The following TRPA1 variants were observed in gnomAD, a reference collection of about 807,000 sequenced individuals.
TRPA1 encodes ankyrin-like with transmembrane domains 1.
Under a neutral mutation model 131.3 loss-of-function variants are expected in TRPA1, and 129 were observed. The ratio of observed to expected loss-of-function variants is 0.98; its 90% CI spans 0.85 to 1.14. The LOEUF (loss-of-function observed/expected upper bound fraction) is 1.14. Among genes scored for constraint, TRPA1 ranks in the 50% most tolerant of loss-of-function variants. The pLI is 0.00. For missense variants in TRPA1, 1,304 were observed against 1,354.2 expected, an observed-to-expected ratio of 0.96 and a Z score of 0.58; for synonymous variants, 441 against 451.7, an observed-to-expected ratio of 0.98 and a Z score of 0.30.
intron 14 of TRPA1, among the ~76,000 whole-genome samples, chr8:72,051,546 A>G (rs1257535078): frequency 6.6e-6 from 1 of 152,138 alleles, no homozygotes; most frequent in Non-Finnish European, 1.5e-5. Flanking sequence ...CTACATTATC[A>G]AAAGAAAAGT....
At chr8:72,072,671 G>C (rs749482304) in intron 1 of TRPA1, among the ~76,000 whole-genome samples, 2 of 152,256 alleles carry the variant, frequency 1.3e-5, no homozygotes, top group Middle Eastern at 3.4e-3. Flanking sequence ...TCCTATCAAA[G>C]AAAGTGTTGG....
At chr8:72,082,588 G>C in the TRPA1 span, among the ~76,000 whole-genome samples, 1 of 151,962 alleles carries the variant, frequency 6.6e-6, no homozygotes, top group African/African-American at 2.4e-5. Context: ...GCTGGATATA[G>C]AAGTTTTGTT....
Position 72,059,378 on chromosome 8 carries a change from A to C in TRPA1, c.993+12T>G. ...ATAGTAATAAAAATAAACCAGTAAA[A>C]GGAATAGTTACCACTGAAATTAAAT... On this transcript the variant is annotated intron_variant, in intron 8 of 26. Coordinates refer to ENST00000262209, the MANE Select transcript of TRPA1 (RefSeq NM_007332.3). The C allele has an allele frequency of 6.6e-7, 1 of 1,520,904 alleles. No individual in the cohort carries two copies. Among genetic ancestry groups the C allele is most frequent in the Non-Finnish European group, 9.0e-7 (1 of 1,105,174 alleles). 94.2% of individuals were successfully genotyped at this position (1,520,904 alleles called of 1,614,324 possible).
intron 12 of TRPA1, 82 bp from the exon 13 acceptor site, chr8:72,053,949 T>A (rs1805595579): frequency 8.7e-6 from 8 of 923,506 alleles, no homozygotes; most frequent in Non-Finnish European, 1.2e-5. Context: ...TTATTCTAGG[T>A]AAATCTGATG....
intron 24 of TRPA1, 52 bp downstream of exon 24, chr8:72,029,849 G>A (rs1811744271): frequency 3.2e-6 from 5 of 1,553,332 alleles, no homozygotes; most frequent in Non-Finnish European, 4.4e-6. Flanking sequence ...TTAACTTATT[G>A]TGGGTTTACC....
At chr8:72,083,056 C>G in the TRPA1 span, among the ~76,000 whole-genome samples, 6 of 151,904 alleles carry the variant, frequency 3.9e-5, 1 homozygote, top group South Asian at 4.2e-4. Flanking sequence ...TTCATTGTTT[C>G]CAAATCTGCT....
chr8:72,089,855 A>G, the TRPA1 span, among the ~76,000 whole-genome samples: 1 of 152,144 alleles, frequency 6.6e-6, no homozygotes, highest in Non-Finnish European at 1.5e-5. Context: ...TACTTATTTT[A>G]TATATCAGAA....
At chr8:72,085,302 A>C in the TRPA1 span, among the ~76,000 whole-genome samples, 1 of 152,160 alleles carries the variant, frequency 6.6e-6, no homozygotes, top group Admixed American at 6.5e-5. Context: ...TTGTTCTTCA[A>C]GTCTTCTACC....
intron 4 of TRPA1, 145 bp downstream of exon 4, chr8:72,065,306 C>A (rs1321913842): frequency 7.3e-6 from 5 of 684,704 alleles, no homozygotes; most frequent in Non-Finnish European, 1.2e-5. Context: ...TACAAAAACA[C>A]ATAGAAAAAC....
chr8:72,022,967 T>C lies in TRPA1; in HGVS notation c.3299A>G (p.Asn1100Ser). 1 of 1,613,868 alleles carries C rather than the reference T, an allele frequency of 6.2e-7. No homozygotes were observed. Among genetic ancestry groups the C allele is most frequent in the Non-Finnish European group, 8.5e-7 (1 of 1,179,846 alleles). The change falls in exon 27 of 27, where the codon AAT (asparagine) becomes AGT (serine). Residue 1100 changes from asparagine to serine, a missense_variant. By Grantham distance (46) the Asn-to-Ser change is conservative. Transcript: ENST00000262209. ...RFKKEQMEQR[N>S]SRWNTVLRAV... ...TCTCAACACAGTATTCCATCTGCTA[T>C]TCCTTTGTTCCATCTGCTCTTTCTT...
At chr8:72,046,483 C>G in intron 17 of TRPA1, 30 bp downstream of exon 17, 1 of 1,195,110 alleles carries the variant, frequency 8.4e-7, no homozygotes, top group Non-Finnish European at 1.2e-6. Context: ...AAAAAAGAAA[C>G]TATTTAGATA....
Position 72,036,243 on chromosome 8 carries a change from T to C in TRPA1, c.2555+45A>G, listed in dbSNP as rs367959830. The C allele has an allele frequency of 2.8e-5, 44 of 1,596,888 alleles. No homozygotes were observed. The African/African-American group carries it at 5.4e-4, about 19-fold the overall frequency. On this transcript the variant is annotated intron_variant, in intron 21 of 26. Coordinates refer to ENST00000262209, the MANE Select transcript of TRPA1 (RefSeq NM_007332.3). ...AGGTACAATAGTTTTTCTTTTGATA[T>C]TAAAAATGCTTAAAGGATGTGGAAA...
chr8:72,077,782 T>C (rs959637186), upstream of TRPA1, among the ~76,000 whole-genome samples: 1 of 152,134 alleles, frequency 6.6e-6, no homozygotes, highest in Non-Finnish European at 1.5e-5. Context: ...ATGCAAAATG[T>C]AAACAGGAAC....
chr8:72,025,855 A>G, intron 25 of TRPA1, 105 bp downstream of exon 25: 2 of 928,064 alleles, frequency 2.2e-6, no homozygotes, highest in Non-Finnish European at 3.5e-6. Context: ...GCCCACAGGC[A>G]GAGAAGACTC....
At chr8:72,071,947 C>G in intron 1 of TRPA1, 80 bp from the exon 2 acceptor site, 1 of 1,314,488 alleles carries the variant, frequency 7.6e-7, no homozygotes, top group Non-Finnish European at 1.1e-6. Flanking sequence ...CCTGAAAGAA[C>G]TTATTATTAT....
At chr8:72,082,859 C>G in the TRPA1 span, among the ~76,000 whole-genome samples, 1 of 151,586 alleles carries the variant, frequency 6.6e-6, no homozygotes, top group Non-Finnish European at 1.5e-5. Flanking sequence ...CAAATTTGAA[C>G]AGTTTTCAGT....
At position 72,059,446 on chromosome 8, in the gene TRPA1, A is replaced by T. The variant is rs1042450447; in HGVS notation, c.945-8T>A. ...TGATCAAACAATGAAGCTCTGAAAA[A>T]ACAGAATTATAAACATTATAATTAA... is the stretch of plus-strand genomic sequence containing the variant. On this transcript the variant is annotated splice_polypyrimidine_tract_variant and splice_region_variant and intron_variant, in intron 7 of 26. Transcript: ENST00000262209. 14 of 1,554,942 alleles carry T rather than the reference A, an allele frequency of 9.0e-6. No homozygotes were observed. The highest frequency in any genetic ancestry group is 1.2e-5 in the Non-Finnish European group (14 of 1,133,756).
chr8:72,068,998 C>CT, intron 3 of TRPA1, 25 bp downstream of exon 3: 1 of 1,614,098 alleles, frequency 6.2e-7, no homozygotes, highest in South Asian at 1.1e-5. Flanking sequence ...CGGTCAGGCC[C>CT]TTTGGAGCCG....
chr8:72,047,158 C>A lies in TRPA1; in HGVS notation c.1955G>T (p.Arg652Leu). The A allele has an allele frequency of 3.1e-6, 5 of 1,608,270 alleles. No homozygotes were observed. Among genetic ancestry groups the A allele is most frequent in the Non-Finnish European group, 3.4e-6 (4 of 1,175,772 alleles). The change falls in exon 16 of 27, where the codon CGA becomes CTA. Residue 652 changes from arginine (R) to leucine (L), a missense_variant. By Grantham distance (102) the Arg-to-Leu change is moderately radical (BLOSUM62 -2). Transcript: ENST00000262209. The stretch of plus-strand genomic sequence containing the variant: ...ATAAAATAAACTTACATAATAGTCT[C>A]GGCAGGACTTGTCTTCTGTGGAATG... ...MLHSTEDKSC[R>L]DYYIEYNFKY...
Sources: allele counts gnomAD v4.1 joint callset (sites outside exome capture counted in the v4.1 genomes callset), GRCh38; gene constraint gnomAD v4.1.1; transcripts MANE v1.5; gene names NCBI Gene and HGNC (gene_info 2026-07-23, HGNC 2026-07-21).